BPTF: variants seen among roughly 807,000 people sequenced by gnomAD.
The protein encoded by BPTF is nucleosome-remodeling factor subunit BPTF.
A neutral mutation model predicts 292.5 loss-of-function variants in BPTF; 18 were observed. The ratio of observed to expected loss-of-function variants is 0.06; its 90% CI spans 0.04 to 0.09. The LOEUF (loss-of-function observed/expected upper bound fraction) is 0.09, where lower values mean the gene tolerates loss of function less well. Ranked by LOEUF, BPTF falls within the 10% of genes least tolerant of loss-of-function variation. The pLI, the probability that BPTF is intolerant of heterozygous loss-of-function variation, is 1.00. For synonymous variants in BPTF, 1,225 were observed against 1,251.9 expected, an observed-to-expected ratio of 0.98 and a Z score of 0.45; for missense variants, 2,726 against 3,498.7, an observed-to-expected ratio of 0.78 and a Z score of 5.57.
chr17:67,918,649 T>C, intron 11 of BPTF, 65 bp from the exon 12 acceptor site: 1 of 1,455,718 alleles, frequency 6.9e-7, no homozygotes, highest in Admixed American at 1.8e-5. Flanking sequence ...GTAGAGTGAA[T>C]ATGAATGTGT....
chr17:67,912,453 A>T lies in BPTF; in HGVS notation c.4569A>T (p.Pro1523=), dbSNP rs1476876704. Residue 1523 remains proline (P), a synonymous_variant, in exon 11 of 28, where the codon CCA becomes CCT. Coordinates refer to ENST00000306378, the MANE Select transcript of BPTF (RefSeq NM_182641.4). ...TQTTTPSASC[P]ESNSVNQVED... is the part of the protein sequence containing the mutation. The stretch of plus-strand genomic sequence containing the variant: ...CGACCACACCCTCAGCATCTTGTCC[A>T]GAAAGCAATTCAGTTAATCAGGTAG... The T allele has an allele frequency of 1.2e-6, 2 of 1,613,790 alleles. No homozygotes were observed. The highest frequency in any genetic ancestry group is 1.7e-6 in the Non-Finnish European group (2 of 1,179,980).
intron 1 of BPTF, among the ~76,000 whole-genome samples, chr17:67,853,659 A>G (rs999417636): frequency 6.6e-6 from 1 of 151,986 alleles, no homozygotes; most frequent in East Asian, 1.9e-4. Flanking sequence ...TTTTTTAATC[A>G]TGATTACCTG....
chr17:67,884,228 C>T (rs1359570791), intron 4 of BPTF, among the ~76,000 whole-genome samples: 2 of 151,222 alleles, frequency 1.3e-5, no homozygotes, highest in African/African-American at 4.9e-5. Flanking sequence ...ACCTCAGCCT[C>T]CCAAGTAGCT....
rs558845578 is a variant in BPTF at position 67,984,063 on chromosome 17, G to A, written c.*1775G>A. The A allele has an allele frequency of 2.3e-4, 35 of 152,492 alleles. No homozygotes were observed. Among genetic ancestry groups the A allele is most frequent in the African/African-American group, 8.4e-4 (35 of 41,508 alleles). 9.4% of individuals were successfully genotyped at this position (152,492 alleles called of 1,614,324 possible). ...ATTAAGATGGAAGTAGTTAAATATG[G>A]GTTATTTTGTCCTTTTACTTTTTTA... On this transcript the variant is annotated 3_prime_UTR_variant, in exon 28 of 28. Coordinates refer to ENST00000306378, the MANE Select transcript of BPTF (RefSeq NM_182641.4).
intron 23 of BPTF, among the ~76,000 whole-genome samples, chr17:67,955,058 G>C (rs2066787271): frequency 6.6e-6 from 1 of 152,018 alleles, no homozygotes; most frequent in Non-Finnish European, 1.5e-5. Flanking sequence ...GGGAGGCCGA[G>C]GCGGGCGGAT....
chr17:67,858,590 T>C (rs2058868260), intron 2 of BPTF, among the ~76,000 whole-genome samples: 1 of 146,372 alleles, frequency 6.8e-6, no homozygotes, highest in South Asian at 2.1e-4. Context: ...TTTACTGCTG[T>C]GTTGTCATTG....
chr17:67,978,035 G>C (rs1369567966), intron 27 of BPTF: 2 of 150,356 alleles, frequency 1.3e-5, no homozygotes, highest in Non-Finnish European at 3.0e-5. Context: ...TGTATTTTTA[G>C]TAGAGACCTG....
At chr17:67,926,928 T>C (rs1042297410) in intron 15 of BPTF, among the ~76,000 whole-genome samples, 1 of 152,038 alleles carries the variant, frequency 6.6e-6, no homozygotes, top group Admixed American at 6.6e-5. Context: ...TTTTTCTTTC[T>C]TTTTTTAACT....
At chr17:67,858,910 A>G (rs7207176) in intron 2 of BPTF, among the ~76,000 whole-genome samples, 13,983 of 151,470 alleles carry the variant, frequency 0.092, 1,634 homozygotes, top group African/African-American at 0.32. Context: ...TTGTCCACAT[A>G]CAGAAAAACC....
intron 26 of BPTF, among the ~76,000 whole-genome samples, chr17:67,971,841 AAAAG>A (rs1405885140): frequency 2.6e-5 from 4 of 151,956 alleles, no homozygotes; most frequent in South Asian, 2.1e-4. Flanking sequence ...AAAAAAAAAA[AAAAG>A]AGAAGAAAAA....
At chr17:67,958,158 T>C (rs2067129055) in intron 23 of BPTF, among the ~76,000 whole-genome samples, 1 of 151,892 alleles carries the variant, frequency 6.6e-6, no homozygotes, top group Non-Finnish European at 1.5e-5. Context: ...TGAAACCCCA[T>C]CTCTACCAAA....
rs2064423001 is a variant in BPTF, at chr17:67,931,902, C to A, written c.6151-9C>A. On this transcript the variant is annotated splice_polypyrimidine_tract_variant and intron_variant, in intron 17 of 27. Transcript: ENST00000306378. ...CATTTTAATTCATTGTTCTTTGTGT[C>A]ATTTATAGGTAATCACAGGGCCTCA... The A allele has an allele frequency of 8.8e-6, 14 of 1,598,358 alleles. No individual in the cohort carries two copies. Among genetic ancestry groups the A allele is most frequent in the East Asian group, 2.2e-5 (1 of 44,722 alleles).
At chr17:67,865,213 G>T (rs1455142200) in intron 2 of BPTF, among the ~76,000 whole-genome samples, 3 of 152,162 alleles carry the variant, frequency 2.0e-5, no homozygotes, top group Non-Finnish European at 4.4e-5. Flanking sequence ...TTGGATTTCA[G>T]ATTTTCGGAT....
chr17:67,884,184 C>CT (rs1468660616), intron 4 of BPTF, among the ~76,000 whole-genome samples: 1 of 146,848 alleles, frequency 6.8e-6, no homozygotes, highest in Non-Finnish European at 1.5e-5. Context: ...GTCACTCAGG[C>CT]TGTAGTGCAG....
At chr17:67,868,294 G>GT (rs2059507145) in intron 3 of BPTF, among the ~76,000 whole-genome samples, 1 of 152,004 alleles carries the variant, frequency 6.6e-6, no homozygotes, top group African/African-American at 2.4e-5. Context: ...ATTGCTGTAT[G>GT]TTTTTTTGTC....
At chr17:67,861,057 C>T (rs1332859998) in intron 2 of BPTF, among the ~76,000 whole-genome samples, 3 of 152,204 alleles carry the variant, frequency 2.0e-5, no homozygotes, top group Non-Finnish European at 2.9e-5. Flanking sequence ...GCAGGCACCT[C>T]AAACGTGTTT....
At chr17:67,955,190 A>T (rs540276639) in intron 23 of BPTF, 1 of 149,648 alleles carries the variant, frequency 6.7e-6, no homozygotes, top group South Asian at 2.2e-4. Flanking sequence ...AGGCAAGAGA[A>T]TGGCATGAAC....
intron 4 of BPTF, among the ~76,000 whole-genome samples, chr17:67,889,475 A>G (rs1034087670): frequency 2.6e-5 from 4 of 152,180 alleles, no homozygotes; most frequent in Admixed American, 2.6e-4. Context: ...GATGGTCCCA[A>G]GAACTAACCA....
intron 1 of BPTF, among the ~76,000 whole-genome samples, chr17:67,830,972 G>T (rs1430675655): frequency 6.6e-6 from 1 of 152,164 alleles, no homozygotes; most frequent in Non-Finnish European, 1.5e-5. Context: ...TGGTGTAGCT[G>T]TTTCTCCCAA....
Sources: allele counts gnomAD v4.1 joint callset (sites outside exome capture counted in the v4.1 genomes callset), GRCh38; gene constraint gnomAD v4.1.1; transcripts MANE v1.5; gene names NCBI Gene and HGNC (gene_info 2026-07-23, HGNC 2026-07-21).